NSMAF: variants seen among roughly 807,000 people sequenced by gnomAD.
NSMAF encodes the protein protein FAN.
A neutral mutation model predicts 134.9 loss-of-function variants in NSMAF; 90 were observed. The ratio of observed to expected loss-of-function variants is 0.67; its 90% CI spans 0.56 to 0.79. The LOEUF (loss-of-function observed/expected upper bound fraction) is 0.79, where lower values mean the gene tolerates loss of function less well. Ranked by LOEUF, NSMAF falls within the 30% of genes least tolerant of loss-of-function variation. The pLI, the probability that NSMAF is intolerant of heterozygous loss-of-function variation, is 0.00. For synonymous variants in NSMAF, 358 were observed against 389.6 expected (o/e 0.92, Z 0.96); for missense variants, 1,010 against 1,119.0 (o/e 0.90, Z 1.39).
intron 2 of NSMAF, among the ~76,000 whole-genome samples, chr8:58,636,442 C>T (rs917518809): frequency 5.9e-5 from 9 of 152,194 alleles, no homozygotes; most frequent in Non-Finnish European, 1.2e-4. Flanking sequence ...AGGTAGTACA[C>T]GGGTACTGCC....
chr8:58,612,275 T>C (rs866864032), intron 9 of NSMAF, among the ~76,000 whole-genome samples: 49 of 152,266 alleles, frequency 3.2e-4, no homozygotes, highest in African/African-American at 1.1e-3. Flanking sequence ...TATTTGACTA[T>C]GCCTATGTGA....
rs757964036 is a variant in NSMAF, at chr8:58,590,947, T to G, written c.1952-13A>C. On this transcript the variant is annotated splice_polypyrimidine_tract_variant and intron_variant, in intron 23 of 30. Transcript: ENST00000038176. Reference sequence around the variant, plus strand: ...TTCAAGGTGGAATCTAATTTAATAATGAGAAGTAGATATATAAGAAAGATT... The same window carrying G: ...TTCAAGGTGGAATCTAATTTAATAAGGAGAAGTAGATATATAAGAAAGATT... 1 of 1,566,968 alleles carries G rather than the reference T, an allele frequency of 6.4e-7. No individual in the cohort carries two copies.
At chr8:58,606,229 T>C (rs1391233795) in intron 11 of NSMAF, among the ~76,000 whole-genome samples, 194 bp from the exon 12 acceptor site, 1 of 152,200 alleles carries the variant, frequency 6.6e-6, no homozygotes, top group Non-Finnish European at 1.5e-5. Context: ...TATATATATG[T>C]TGTATTTATA....
intron 18 of NSMAF, 32 bp from the exon 19 acceptor site, chr8:58,599,395 G>T (rs766082980): frequency 6.2e-7 from 1 of 1,607,020 alleles, no homozygotes; most frequent in Non-Finnish European, 8.5e-7. Context: ...AAAAATCATG[G>T]AGTCTTCATT....
At chr8:58,630,079 T>C (rs1330604660) in intron 6 of NSMAF, among the ~76,000 whole-genome samples, 1 of 152,212 alleles carries the variant, frequency 6.6e-6, no homozygotes, top group Non-Finnish European at 1.5e-5. Context: ...GGGAAATTTC[T>C]TCCCAATCAT....
chr8:58,598,505 AAAAAAAG>A (rs1806193664), intron 19 of NSMAF, among the ~76,000 whole-genome samples: 2 of 44,844 alleles, frequency 4.5e-5, no homozygotes, highest in Admixed American at 3.8e-4. Context: ...AAAAAAAAAA[AAAAAAAG>A]AAAAAAAAAA....
chr8:58,603,652 G>A (rs1806338154), intron 12 of NSMAF, among the ~76,000 whole-genome samples: 1 of 152,136 alleles, frequency 6.6e-6, no homozygotes, highest in Non-Finnish European at 1.5e-5. Flanking sequence ...ATACAAAAGT[G>A]TAGCGCAAAT....
chr8:58,637,738 T>G (rs918446266), intron 2 of NSMAF, among the ~76,000 whole-genome samples: 4 of 152,106 alleles, frequency 2.6e-5, no homozygotes, highest in Non-Finnish European at 5.9e-5. Flanking sequence ...CAGAAACAAT[T>G]CAATTTATAA....
chr8:58,601,895 G>A (rs942422487), intron 14 of NSMAF, among the ~76,000 whole-genome samples, 163 bp downstream of exon 14: 3 of 152,184 alleles, frequency 2.0e-5, no homozygotes, highest in South Asian at 2.1e-4. Flanking sequence ...AAATGCAAAT[G>A]GTGAGCAGCT....
At chr8:58,650,309 A>T in intron 1 of NSMAF, among the ~76,000 whole-genome samples, 1 of 152,134 alleles carries the variant, frequency 6.6e-6, no homozygotes, top group African/African-American at 2.4e-5. Flanking sequence ...ACCATTTTTC[A>T]AAGGTTCCAC....
intron 1 of NSMAF, among the ~76,000 whole-genome samples, chr8:58,656,331 A>G (rs1447851879): frequency 6.6e-6 from 1 of 152,146 alleles, no homozygotes; most frequent in Admixed American, 6.5e-5. Context: ...GGATATAAGT[A>G]TACTTATTTC....
chr8:58,644,010 G>C (rs547553241), intron 1 of NSMAF, among the ~76,000 whole-genome samples: 2 of 152,150 alleles, frequency 1.3e-5, no homozygotes, highest in African/African-American at 4.8e-5. Context: ...TAATTTTGTT[G>C]TATGGCTACA....
In NSMAF at chr8:58,585,527, T is replaced by A; in HGVS notation, c.2659+125A>T. ...GGCCAATCAAGAGGCTCCAGGGACA[T>A]GTTTACGACATGGAAAAACCATGGG... On this transcript the variant is annotated intron_variant, in intron 30 of 30. Coordinates refer to ENST00000038176, the MANE Select transcript of NSMAF (RefSeq NM_003580.4). 7 of 665,968 alleles carry A rather than the reference T, an allele frequency of 1.1e-5. No homozygotes were observed. In the Admixed American group the frequency reaches 1.9e-4, roughly 18 times the overall value. 41.3% of individuals were successfully genotyped at this position (665,968 alleles called of 1,614,324 possible). A position where few individuals can be genotyped will look rare whatever the true frequency, so the allele number is the denominator to read the frequency against.
At chr8:58,612,223 G>A (rs368180460) in intron 9 of NSMAF, among the ~76,000 whole-genome samples, 4 of 152,144 alleles carry the variant, frequency 2.6e-5, no homozygotes, top group East Asian at 1.9e-4. Context: ...GGCCACACTC[G>A]CCCTTTTCAG....
chr8:58,590,040 G>T lies in NSMAF; in HGVS notation c.2054C>A (p.Ala685Asp). 1 of 1,613,910 alleles carries T rather than the reference G, an allele frequency of 6.2e-7. No individual in the cohort carries two copies. Among genetic ancestry groups the T allele is most frequent in the Non-Finnish European group, 8.5e-7 (1 of 1,179,806 alleles). ...ATCCCATGAAGAAGTTATGACAGTG[G>T]CATCTCCTGGTAAAAGTAAACAAGA... ...LSSCLLLPGD[A>D]TVITSSWDNN... Residue 685 changes from alanine to aspartate, a missense_variant, in exon 25 of 31, where the codon GCC becomes GAC. Ala to Asp is a moderately radical substitution (Grantham distance 126). Transcript: ENST00000038176.
rs543994995 is a variant in NSMAF, at chr8:58,620,857, T to A, written c.557+2363A>T. Among the ~76,000 whole-genome samples the A allele has an allele frequency of 2.0e-5, 3 of 152,206 alleles. No individual in the cohort carries two copies. The East Asian group carries it at 5.8e-4, about 29-fold the overall frequency. ...TGCAATGGCAGTAAAATGGAGAGAATCCATTAATTTCATTCACTGTAATAT... is the reference window on the plus strand; with the variant it reads ...TGCAATGGCAGTAAAATGGAGAGAAACCATTAATTTCATTCACTGTAATAT... On this transcript the variant is annotated intron_variant, in intron 9 of 30. Coordinates refer to ENST00000038176, the MANE Select transcript of NSMAF (RefSeq NM_003580.4).
Position 58,603,211 on chromosome 8 carries a change from T to G in NSMAF, c.1044A>C (p.Leu348=). ...CAGAATTCCACGTGTGGCAGTTACC[T>G]AGTTCTGAGCTGGAATAATCATGTA... is the stretch of plus-strand genomic sequence containing the variant. ...WIIHDYSSSE[L]DLSNPGTFRD... is the part of the protein sequence containing the mutation. Residue 348 remains leucine, a splice_region_variant and synonymous_variant, in exon 13 of 31, where the codon CTA becomes CTC. Coordinates refer to ENST00000038176, the MANE Select transcript of NSMAF (RefSeq NM_003580.4). 6.2e-7 allele frequency: 1 copy of G among 1,614,100 alleles called. No homozygotes were observed. The highest frequency in any genetic ancestry group is 8.5e-7 in the Non-Finnish European group (1 of 1,179,954).
intron 9 of NSMAF, among the ~76,000 whole-genome samples, chr8:58,613,944 G>A (rs927678142): frequency 2.0e-5 from 3 of 152,010 alleles, no homozygotes; most frequent in South Asian, 2.1e-4. Flanking sequence ...GGAGCATTTC[G>A]GACTTAAAAT....
intron 2 of NSMAF, among the ~76,000 whole-genome samples, chr8:58,637,745 A>G (rs1277768397): frequency 6.6e-6 from 1 of 152,220 alleles, no homozygotes; most frequent in Non-Finnish European, 1.5e-5. Context: ...AATTCAATTT[A>G]TAAAAGCACC....
Sources: allele counts gnomAD v4.1 joint callset (sites outside exome capture counted in the v4.1 genomes callset), GRCh38; gene constraint gnomAD v4.1.1; transcripts MANE v1.5; gene names NCBI Gene and HGNC (gene_info 2026-07-23, HGNC 2026-07-21).